The following IL1RAPL2 variants were observed in gnomAD, a reference collection of about 807,000 sequenced individuals.
IL1RAPL2 encodes the protein interleukin 1 receptor accessory protein like 2, also known as X-linked interleukin-1 receptor accessory protein-like 2.
Under a neutral mutation model 44.1 loss-of-function variants are expected in IL1RAPL2, and 3 were observed. The observed-to-expected ratio is 0.07, with a 90% CI of 0.03 to 0.18. IL1RAPL2 has a LOEUF of 0.18. Ranked by LOEUF, IL1RAPL2 falls within the 10% of genes least tolerant of loss-of-function variation. IL1RAPL2 has a pLI of 1.00. For missense variants in IL1RAPL2, 391 were observed against 496.4 expected (o/e 0.79, Z 2.02); for synonymous variants, 181 against 178.8 (o/e 1.01, Z -0.10).
At chrX:105,387,947 G>A (rs1256780915) in intron 5 of IL1RAPL2, among the ~76,000 whole-genome samples, 3 of 106,479 alleles carry the variant, frequency 2.8e-5, no homozygotes, top group Non-Finnish European at 3.9e-5. Context: ...TCAGGAGTTC[G>A]AGACCAGCGT....
intron 3 of IL1RAPL2, among the ~76,000 whole-genome samples, chrX:105,228,379 G>A (rs782631596): frequency 3.6e-5 from 4 of 111,658 alleles, no homozygotes; most frequent in Non-Finnish European, 7.5e-5. Flanking sequence ...CTGGTGATAC[G>A]ACAAGTTCAC....
intron 5 of IL1RAPL2, among the ~76,000 whole-genome samples, chrX:105,393,361 A>G (rs1265178601): frequency 9.0e-6 from 1 of 111,267 alleles, no homozygotes; most frequent in Non-Finnish European, 1.9e-5. Context: ...AATATTTCAG[A>G]AGACCCATGA....
chrX:105,645,971 A>G (rs2037602491), intron 6 of IL1RAPL2, among the ~76,000 whole-genome samples: 1 of 110,895 alleles, frequency 9.0e-6, no homozygotes, highest in South Asian at 3.9e-4. Flanking sequence ...CTTTACTTCA[A>G]GTTTCCCAGA....
chrX:104,787,403 A>C (rs1932804866), intron 2 of IL1RAPL2, among the ~76,000 whole-genome samples: 1 of 111,296 alleles, frequency 9.0e-6, no homozygotes, highest in African/African-American at 3.3e-5. Flanking sequence ...TAATGGGCTA[A>C]GTCTTTACTT....
intron 2 of IL1RAPL2, among the ~76,000 whole-genome samples, chrX:105,074,473 G>A (rs2032259850): frequency 1.8e-5 from 2 of 111,437 alleles, no homozygotes; most frequent in Non-Finnish European, 3.8e-5. Context: ...GTCAGGTAGC[G>A]TGATACCTCC....
chrX:105,283,406 G>A (rs914866313), intron 5 of IL1RAPL2, among the ~76,000 whole-genome samples: 2 of 111,347 alleles, frequency 1.8e-5, no homozygotes, highest in African/African-American at 6.5e-5. Flanking sequence ...GATGAAGAGC[G>A]GGTGAAAAAT....
chrX:104,665,362 T>C (rs762558148), intron 2 of IL1RAPL2, among the ~76,000 whole-genome samples: 1 of 111,036 alleles, frequency 9.0e-6, no homozygotes, highest in Non-Finnish European at 1.9e-5. Flanking sequence ...TAGCAAAAAA[T>C]AATTATCCAT....
intron 2 of IL1RAPL2, among the ~76,000 whole-genome samples, chrX:104,724,726 G>T (rs1402427301): frequency 1.8e-5 from 2 of 111,060 alleles, no homozygotes; most frequent in Non-Finnish European, 3.8e-5. Flanking sequence ...AATAATTGAG[G>T]CCATTCTTGT....
At chrX:104,948,094 G>A (rs1276746973) in intron 2 of IL1RAPL2, among the ~76,000 whole-genome samples, 3 of 107,825 alleles carry the variant, frequency 2.8e-5, no homozygotes, top group Non-Finnish European at 5.8e-5. Context: ...TTATTTCCTT[G>A]AGCAGTGGTT....
chrX:105,050,050 A>G (rs1241334027), intron 2 of IL1RAPL2, among the ~76,000 whole-genome samples: 1 of 112,390 alleles, frequency 8.9e-6, no homozygotes, highest in Non-Finnish European at 1.9e-5. Flanking sequence ...ATTATAAAGA[A>G]TCTTTTTCAT....
intron 1 of IL1RAPL2, among the ~76,000 whole-genome samples, chrX:104,583,836 C>G (rs1241916846): frequency 8.9e-6 from 1 of 111,901 alleles, no homozygotes; most frequent in Non-Finnish European, 1.9e-5. Context: ...ATTTGGAAAA[C>G]TAGACAATAG....
At chrX:105,173,730 T>TC (rs1390039278) in intron 2 of IL1RAPL2, among the ~76,000 whole-genome samples, 10 of 103,966 alleles carry the variant, frequency 9.6e-5, no homozygotes, top group African/African-American at 3.6e-4. Flanking sequence ...TGCTGCTTCT[T>TC]TTTTTTTTTT....
At chrX:105,297,876 A>G (rs2034665508) in intron 5 of IL1RAPL2, among the ~76,000 whole-genome samples, 1 of 111,360 alleles carries the variant, frequency 9.0e-6, no homozygotes, top group Non-Finnish European at 1.9e-5. Flanking sequence ...CCAGGAGACT[A>G]ATTAGGAAGC....
intron 6 of IL1RAPL2, among the ~76,000 whole-genome samples, chrX:105,689,824 T>C (rs1313309631): frequency 8.9e-6 from 1 of 112,005 alleles, no homozygotes; most frequent in African/African-American, 3.2e-5. Context: ...AACCCAAATG[T>C]CCATCAATGA....
rs1469971108 is a variant in IL1RAPL2 at position 105,373,181 on chromosome X, T to C, written c.697+105640T>C. ...TTCTTCATAATCTTGCCAGCATCTG[T>C]TATTTTTTGACTTTTTAATAGTAGA... On this transcript the variant is annotated intron_variant, in intron 5 of 10. Coordinates refer to ENST00000372582, the MANE Select transcript of IL1RAPL2 (RefSeq NM_017416.2). 4.5e-5 allele frequency among the ~76,000 whole-genome samples: 5 copies of C among 112,352 alleles called. No homozygotes were observed. In the Admixed American group the frequency reaches 4.7e-4, roughly 11 times the overall value.
rs748809592 is a variant in IL1RAPL2 at position 104,582,822 on chromosome X, C to CTTTT, written c.-20+15772_-20+15773insTTTT. Among the ~76,000 whole-genome samples, 224 of 40,646 alleles carry CTTTT rather than the reference C, an allele frequency of 5.5e-3. 5 individuals are homozygous for CTTTT. The highest frequency in any genetic ancestry group is 0.023 in the African/African-American group (214 of 9,373). The allele number at this position is 40,646 out of a possible 115,157, so 35.3% of individuals were successfully genotyped here. A position where few individuals can be genotyped will look rare whatever the true frequency, so the allele number is the denominator to read the frequency against. On this transcript the variant is annotated intron_variant, in intron 1 of 10. Coordinates refer to ENST00000372582, the MANE Select transcript of IL1RAPL2 (RefSeq NM_017416.2). Reference sequence around the variant, plus strand: ...CTCTCTCTCTTTCTCTCCTTTCTTTCTCTTTCTTTCTTTCTTTCTTTCTTT... The same window carrying CTTTT: ...CTCTCTCTCTTTCTCTCCTTTCTTTCTTTTTCTTTCTTTCTTTCTTTCTTTCTTT...
chrX:105,246,771 A>C (rs2034222895), intron 4 of IL1RAPL2, among the ~76,000 whole-genome samples: 1 of 111,876 alleles, frequency 8.9e-6, no homozygotes, highest in Admixed American at 9.5e-5. Context: ...ACATTTATTC[A>C]AAAGAAACCA....
intron 1 of IL1RAPL2, among the ~76,000 whole-genome samples, chrX:104,582,653 TTTC>T (rs1442406350): frequency 8.1e-4 from 74 of 91,580 alleles, no homozygotes; most frequent in African/African-American, 2.9e-3. Flanking sequence ...TCTTTCTTTC[TTTC>T]TTTTTTTTCT....
At chrX:105,653,071 A>T (rs1246123256) in intron 6 of IL1RAPL2, among the ~76,000 whole-genome samples, 1 of 112,040 alleles carries the variant, frequency 8.9e-6, no homozygotes, top group African/African-American at 3.2e-5. Context: ...CACAATATAG[A>T]TAGGAAGACA....
Sources: gnomAD v4.1 joint callset for allele counts (sites outside exome capture counted in the v4.1 genomes callset) on GRCh38, gnomAD v4.1.1 for gene constraint, MANE v1.5 for transcripts, NCBI Gene and HGNC (gene_info 2026-07-23, HGNC 2026-07-21) for gene names.